CLUAP1: variants seen among roughly 807,000 people sequenced by gnomAD.
The protein encoded by CLUAP1 is intraflagellar transport 38, also known as clusterin-associated protein 1.
In CLUAP1, 50 loss-of-function variants were observed where a neutral mutation model predicts 55.0. The observed-to-expected ratio is 0.91, with a 90% CI of 0.72 to 1.15. The LOEUF (loss-of-function observed/expected upper bound fraction) is 1.15, where lower values mean the gene tolerates loss of function less well. Among genes scored for constraint, CLUAP1 ranks in the 50% most tolerant of loss-of-function variants. CLUAP1 has a pLI of 0.00. For missense variants in CLUAP1, 530 were observed against 507.6 expected, an observed-to-expected ratio of 1.04 and a Z score of -0.42; for synonymous variants, 195 against 175.4, an observed-to-expected ratio of 1.11 and a Z score of -0.88.
intron 4 of CLUAP1, among the ~76,000 whole-genome samples, chr16:3,511,300 G>A (rs1464049168): frequency 1.3e-5 from 2 of 152,124 alleles, no homozygotes; most frequent in African/African-American, 2.4e-5. Flanking sequence ...TTTATGTTTG[G>A]GCTCCTTAGA....
chr16:3,504,789 A>G lies in CLUAP1; in HGVS notation c.92A>G (p.Asn31Ser). The G allele has an allele frequency of 1.9e-6, 3 of 1,613,336 alleles. No homozygotes were observed. Among genetic ancestry groups the G allele is most frequent in the Non-Finnish European group, 1.7e-6 (2 of 1,179,228 alleles). ...HISMENFRTP[N>S]FGLVSEVLLW... ...TCTATGGAAAATTTCCGTACACCCA[A>G]TTTTGGACTTGTATCTGAAGTGCTT... The change falls in exon 2 of 12, where the codon AAT becomes AGT. Residue 31 changes from asparagine to serine, a missense_variant. Transcript: ENST00000576634.
At chr16:3,529,666 AT>A (rs61471383) in intron 9 of CLUAP1, among the ~76,000 whole-genome samples, 1 of 14,774 alleles carries the variant, frequency 6.8e-5, no homozygotes, top group East Asian at 7.9e-3. Context: ...TATATTATAT[AT>A]TATTATATAT....
chr16:3,531,081 C>T (rs55692568), intron 10 of CLUAP1, among the ~76,000 whole-genome samples: 9,976 of 152,210 alleles, frequency 0.066, 752 homozygotes, highest in African/African-American at 0.18. Flanking sequence ...CAAAGCTCAG[C>T]GCAGTGGTGC....
chr16:3,514,494 C>G (rs74005826), intron 5 of CLUAP1, among the ~76,000 whole-genome samples: 3,539 of 152,296 alleles, frequency 0.023, 132 homozygotes, highest in African/African-American at 0.077. Flanking sequence ...ACCAGGTGCA[C>G]CGTGGATGAA....
intron 9 of CLUAP1, among the ~76,000 whole-genome samples, chr16:3,529,527 TTA>T (rs1234711742): frequency 1.8e-4 from 11 of 61,908 alleles, no homozygotes; most frequent in African/African-American, 6.3e-4. Flanking sequence ...TTATATATTA[TTA>T]TATGTTATAT....
At chr16:3,533,234 AGT>A in intron 11 of CLUAP1, 1 of 1,133,512 alleles carries the variant, frequency 8.8e-7, no homozygotes, top group South Asian at 1.3e-5. Context: ...TCTCCCTAGG[AGT>A]GATGCTTCCT....
chr16:3,499,863 A>T (rs1048968419), upstream of CLUAP1, among the ~76,000 whole-genome samples: 1 of 152,250 alleles, frequency 6.6e-6, no homozygotes, highest in East Asian at 1.9e-4. Context: ...CACGTAATCA[A>T]TGCGAACTTA....
At chr16:3,506,517 CT>C (rs1017105204) in intron 3 of CLUAP1, 102 bp downstream of exon 3, 603 of 950,446 alleles carry the variant, frequency 6.3e-4, no homozygotes, top group Middle Eastern at 1.1e-3. Context: ...GTTTTTCTTT[CT>C]TTTTTTTTGA....
At chr16:3,501,981 T>G (rs1438531312) in intron 1 of CLUAP1, 1 of 152,140 alleles carries the variant, frequency 6.6e-6, no homozygotes, top group Non-Finnish European at 1.5e-5. Flanking sequence ...GTCAGGTAAC[T>G]TGGGCAGGTG....
intron 7 of CLUAP1, among the ~76,000 whole-genome samples, chr16:3,522,317 C>T (rs1320651141): frequency 2.0e-5 from 3 of 152,020 alleles, no homozygotes; most frequent in Non-Finnish European, 2.9e-5. Flanking sequence ...GCATGTGCCA[C>T]CACGCCTGGC....
chr16:3,514,009 A>T (rs115515845), intron 5 of CLUAP1, among the ~76,000 whole-genome samples: 5,202 of 152,284 alleles, frequency 0.034, 251 homozygotes, highest in African/African-American at 0.1. Flanking sequence ...GGCAGTTGCC[A>T]CCTGATGAAG....
chr16:3,510,205 G>A (rs2037594581), intron 4 of CLUAP1, among the ~76,000 whole-genome samples: 1 of 152,000 alleles, frequency 6.6e-6, no homozygotes. Context: ...TGTTGGTCAG[G>A]CTAGTCTCGA....
At chr16:3,512,140 C>A (rs769010179) in intron 4 of CLUAP1, among the ~76,000 whole-genome samples, 1 of 148,200 alleles carries the variant, frequency 6.7e-6, no homozygotes, top group East Asian at 2.0e-4. Context: ...GAGCCGAGAT[C>A]GCGCTATCAC....
At chr16:3,524,552 G>A (rs1263224748) in intron 8 of CLUAP1, among the ~76,000 whole-genome samples, 1 of 137,608 alleles carries the variant, frequency 7.3e-6, no homozygotes, top group Non-Finnish European at 1.5e-5. Flanking sequence ...AGCCGAGATT[G>A]CGCCACTGCA....
intron 4 of CLUAP1, among the ~76,000 whole-genome samples, chr16:3,511,508 G>A (rs1393540016): frequency 6.6e-6 from 1 of 152,186 alleles, no homozygotes; most frequent in Non-Finnish European, 1.5e-5. Context: ...GTGGAGGAAA[G>A]TCTGAGGCAG....
chr16:3,495,539 C>T, the CLUAP1 span: 281 of 1,517,860 alleles, frequency 1.9e-4, no homozygotes, highest in Admixed American at 5.3e-4. Context: ...TATGACATCA[C>T]GGGGAAGACT....
chr16:3,500,129 G>A (rs1273045632), upstream of CLUAP1, among the ~76,000 whole-genome samples: 1 of 152,224 alleles, frequency 6.6e-6, no homozygotes, highest in Admixed American at 6.5e-5. Context: ...GCCCCTTCCT[G>A]CCGTCTCCTC....
chr16:3,500,198 C>G (rs952773067), upstream of CLUAP1, among the ~76,000 whole-genome samples: 1 of 152,150 alleles, frequency 6.6e-6, no homozygotes, highest in African/African-American at 2.4e-5. Flanking sequence ...GGCTCAGGGC[C>G]CCTTTCCGGC....
chr16:3,513,222 T>C (rs59010158), intron 5 of CLUAP1, among the ~76,000 whole-genome samples: 10 of 152,212 alleles, frequency 6.6e-5, no homozygotes, highest in African/African-American at 2.4e-4. Flanking sequence ...GTCCTTGTTA[T>C]GGAATGTGAC....
Sources: gnomAD v4.1 joint callset for allele counts (sites outside exome capture counted in the v4.1 genomes callset) on GRCh38, gnomAD v4.1.1 for gene constraint, MANE v1.5 for transcripts, NCBI Gene and HGNC (gene_info 2026-07-23, HGNC 2026-07-21) for gene names.